TIAM1: variants seen among roughly 807,000 people sequenced by gnomAD.
TIAM1 encodes the protein TIAM Rac1 associated GEF 1.
In TIAM1, 65 loss-of-function variants were observed where a neutral mutation model predicts 163.5. The observed-to-expected ratio is 0.40, with a 90% CI of 0.33 to 0.49. The LOEUF is 0.49. TIAM1 is among the 20% of genes least tolerant of loss of function. The pLI, the probability that TIAM1 is intolerant of heterozygous loss-of-function variation, is 0.77. For missense variants in TIAM1, 1,789 were observed against 2,044.7 expected (o/e 0.87, Z 2.41); for synonymous variants, 833 against 810.1 (o/e 1.03, Z -0.48).
intron 9 of TIAM1, among the ~76,000 whole-genome samples, chr21:31,213,721 T>C (rs1015790304): frequency 2.0e-5 from 3 of 151,968 alleles, no homozygotes. Context: ...CAAATATGGA[T>C]AATTCATCTC....
At chr21:31,276,503 G>T (rs866340705) in intron 3 of TIAM1, among the ~76,000 whole-genome samples, 1 of 152,082 alleles carries the variant, frequency 6.6e-6, no homozygotes, top group Admixed American at 6.6e-5. Flanking sequence ...AATTCACAGC[G>T]GAGAAAGGAT....
chr21:31,144,830 G>GAAAAAAAAAAAAA (rs764835303), intron 20 of TIAM1, among the ~76,000 whole-genome samples: 4 of 74,470 alleles, frequency 5.4e-5, no homozygotes, highest in African/African-American at 1.1e-4. Context: ...CTCCATCTCA[G>GAAAAAAAAAAAAA]AAAAAAAAAA....
At chr21:31,338,361 C>CAT (rs548504257) in intron 2 of TIAM1, among the ~76,000 whole-genome samples, 261 of 152,322 alleles carry the variant, frequency 1.7e-3, no homozygotes, top group African/African-American at 6.1e-3. Flanking sequence ...GACCAACCAA[C>CAT]ATAGGAGCCC....
intron 9 of TIAM1, among the ~76,000 whole-genome samples, 169 bp from the exon 10 acceptor site, chr21:31,213,641 G>A (rs1239676928): frequency 4.6e-5 from 7 of 151,886 alleles, no homozygotes; most frequent in Non-Finnish European, 8.8e-5. Context: ...AGCAGACCTG[G>A]AAAAACACAT....
At chr21:31,453,732 A>T (rs1337874344) in intron 2 of TIAM1, among the ~76,000 whole-genome samples, 2 of 150,842 alleles carry the variant, frequency 1.3e-5, no homozygotes, top group Admixed American at 1.3e-4. Flanking sequence ...ATAAATAAAT[A>T]AATTTTAAAA....
chr21:31,392,990 C>G (rs1408347923), intron 2 of TIAM1, among the ~76,000 whole-genome samples: 1 of 148,980 alleles, frequency 6.7e-6, no homozygotes, highest in Non-Finnish European at 1.5e-5. Context: ...GAGTCTCACT[C>G]TGTTGCCCGG....
At chr21:31,443,313 G>A (rs941469194) in intron 2 of TIAM1, among the ~76,000 whole-genome samples, 1 of 152,122 alleles carries the variant, frequency 6.6e-6, no homozygotes, top group Non-Finnish European at 1.5e-5. Flanking sequence ...TATTATAAAA[G>A]CATGGGAAGT....
chr21:31,387,693 A>C (rs1311694816), intron 2 of TIAM1, among the ~76,000 whole-genome samples: 1 of 152,146 alleles, frequency 6.6e-6, no homozygotes, highest in African/African-American at 2.4e-5. Context: ...ACAGGGTGCC[A>C]GCCCCAGTGG....
chr21:31,495,670 T>C (rs2046615214), intron 1 of TIAM1, among the ~76,000 whole-genome samples: 1 of 152,208 alleles, frequency 6.6e-6, no homozygotes, highest in African/African-American at 2.4e-5. Context: ...TATACGACAG[T>C]GCTCTTATTA....
rs541183220 is a variant in TIAM1 at position 31,194,981 on chromosome 21, C to T, written c.2575+243G>A. ...TTTGACATATAAAATAAGCTACCCA[C>T]TTCCTTTTTAGGACAGTAGAATCCC... is the stretch of plus-strand genomic sequence containing the variant. On this transcript the variant is annotated intron_variant, in intron 13 of 27. Coordinates refer to ENST00000541036, the MANE Select transcript of TIAM1 (RefSeq NM_001353694.2). Among the ~76,000 whole-genome samples the T allele has an allele frequency of 8.5e-5, 13 of 152,310 alleles. No homozygotes were observed. In the South Asian group the frequency reaches 2.7e-3, roughly 32 times the overall value.
At chr21:31,381,206 C>T (rs996301699) in intron 2 of TIAM1, among the ~76,000 whole-genome samples, 7 of 152,080 alleles carry the variant, frequency 4.6e-5, no homozygotes, top group African/African-American at 7.2e-5. Flanking sequence ...CCGCAAAATC[C>T]GTATGTTGAA....
At chr21:31,437,451 C>T (rs532096289) in intron 2 of TIAM1, among the ~76,000 whole-genome samples, 8 of 145,880 alleles carry the variant, frequency 5.5e-5, no homozygotes, top group Non-Finnish European at 1.2e-4. Flanking sequence ...TGGAGTGAAT[C>T]ATGATTGTGT....
At chr21:31,484,376 G>A (rs1464634977) in intron 1 of TIAM1, among the ~76,000 whole-genome samples, 5 of 152,220 alleles carry the variant, frequency 3.3e-5, no homozygotes, top group Non-Finnish European at 7.3e-5. Flanking sequence ...CATACCCGCA[G>A]GTATGAGCTC....
intron 1 of TIAM1, among the ~76,000 whole-genome samples, chr21:31,519,351 T>C (rs913700761): frequency 8.4e-5 from 5 of 59,716 alleles, no homozygotes; most frequent in Non-Finnish European, 1.5e-4. Flanking sequence ...CTACTAAAAA[T>C]ACAAAATATT....
At chr21:31,261,426 T>A (rs2072468421) in intron 4 of TIAM1, among the ~76,000 whole-genome samples, 1 of 152,072 alleles carries the variant, frequency 6.6e-6, no homozygotes, top group Non-Finnish European at 1.5e-5. Context: ...AGACTTGGAT[T>A]TTTGGCCGGG....
chr21:31,509,549 A>C (rs1447153280), intron 1 of TIAM1, among the ~76,000 whole-genome samples: 1 of 152,154 alleles, frequency 6.6e-6, no homozygotes, highest in Admixed American at 6.5e-5. Context: ...GGAAGTAAAA[A>C]TAACCAGCCG....
At chr21:31,523,344 A>C (rs1027974251) in intron 1 of TIAM1, among the ~76,000 whole-genome samples, 12 of 152,218 alleles carry the variant, frequency 7.9e-5, no homozygotes, top group African/African-American at 2.7e-4. Flanking sequence ...ATCTAAAACA[A>C]CACAATGATT....
At chr21:31,333,719 C>T (rs2075753127) in intron 2 of TIAM1, among the ~76,000 whole-genome samples, 1 of 152,228 alleles carries the variant, frequency 6.6e-6, no homozygotes. Flanking sequence ...GGACTATGGG[C>T]ATGGGCCATC....
At chr21:31,136,403 T>C (rs1313109152) in intron 22 of TIAM1, among the ~76,000 whole-genome samples, 1 of 152,112 alleles carries the variant, frequency 6.6e-6, no homozygotes, top group Non-Finnish European at 1.5e-5. Context: ...GAAGATACAA[T>C]ATCCAGTTAA....
Sources: gnomAD v4.1 joint callset for allele counts (sites outside exome capture counted in the v4.1 genomes callset) on GRCh38, gnomAD v4.1.1 for gene constraint, MANE v1.5 for transcripts, NCBI Gene and HGNC (gene_info 2026-07-23, HGNC 2026-07-21) for gene names.